The following CTTNBP2 variants were observed in gnomAD, a reference collection of about 807,000 sequenced individuals.
CTTNBP2 encodes cortactin-binding protein 2.
A neutral mutation model predicts 156.9 loss-of-function variants in CTTNBP2; 108 were observed. The ratio of observed to expected loss-of-function variants is 0.69; its 90% CI spans 0.59 to 0.81. The LOEUF is 0.81. Among genes scored for constraint, CTTNBP2 ranks in the 30% least tolerant of loss-of-function variants. The pLI is 0.00. For missense variants in CTTNBP2, 1,924 were observed against 2,035.4 expected (o/e 0.95, Z 1.05); for synonymous variants, 767 against 751.8 (o/e 1.02, Z -0.33).
intron 22 of CTTNBP2, chr7:117,712,471 T>C (rs1430261230): frequency 6.6e-6 from 1 of 152,168 alleles, no homozygotes; most frequent in Non-Finnish European, 1.5e-5. Context: ...CTCCCAACTT[T>C]CACTCAAGGT....
intron 2 of CTTNBP2, among the ~76,000 whole-genome samples, chr7:117,824,280 A>G (rs1375427592): frequency 6.6e-6 from 1 of 151,958 alleles, no homozygotes; most frequent in Non-Finnish European, 1.5e-5. Context: ...CTGGGCATAT[A>G]GCCCTTTTAA....
intron 12 of CTTNBP2, among the ~76,000 whole-genome samples, chr7:117,746,501 C>CAAA (rs1346169434): frequency 6.6e-6 from 1 of 152,104 alleles, no homozygotes; most frequent in Non-Finnish European, 1.5e-5. Context: ...AACAGTAATG[C>CAAA]ATTTCATTAT....
Position 117,711,833 on chromosome 7 carries a change from G to A in CTTNBP2, c.4747-51C>T, listed in dbSNP as rs762503724. 25 of 1,561,704 alleles carry A rather than the reference G, an allele frequency of 1.6e-5. No homozygotes were observed. In the Middle Eastern group the frequency reaches 5.1e-4, roughly 32 times the overall value. On this transcript the variant is annotated intron_variant, in intron 22 of 22. Coordinates refer to ENST00000160373, the MANE Select transcript of CTTNBP2 (RefSeq NM_033427.3). ...GTTTATCACAAACTTCTCCTGTTAT[G>A]AGCCCTACCCCTGCCTCCTCTTTGA...
At chr7:117,714,037 G>A (rs527985623) in intron 22 of CTTNBP2, 3 of 152,192 alleles carry the variant, frequency 2.0e-5, no homozygotes, top group African/African-American at 7.2e-5. Context: ...AACTACGTCC[G>A]AGGAAGCCTG....
At chr7:117,795,424 C>T (rs36023319) in intron 3 of CTTNBP2, among the ~76,000 whole-genome samples, 19 of 152,184 alleles carry the variant, frequency 1.2e-4, no homozygotes, top group Admixed American at 8.5e-4. Context: ...GCCAGTTTTC[C>T]GCTATTAAAA....
chr7:117,784,438 T>C lies in CTTNBP2; in HGVS notation c.2085A>G (p.Leu695=). The C allele has an allele frequency of 6.3e-7, 1 of 1,596,390 alleles. No homozygotes were observed. The highest frequency in any genetic ancestry group is 8.5e-7 in the Non-Finnish European group (1 of 1,174,222). The change falls in exon 5 of 23, where the codon CTA becomes CTG. Residue 695 remains leucine, a synonymous_variant. Transcript: ENST00000160373. ...LVTASGWSPS[L]TPLLMSGGPA... is the part of the protein sequence containing the mutation. ...GACCACCACTCATTAGCAAAGGGGT[T>C]AGGGAGGGTGACCAGCCTGTAGGTT...
chr7:117,772,147 C>A (rs1183531830), intron 8 of CTTNBP2, among the ~76,000 whole-genome samples: 1 of 152,124 alleles, frequency 6.6e-6, no homozygotes, highest in Non-Finnish European at 1.5e-5. Context: ...ATTACATCAC[C>A]ATGTTCACCT....
At chr7:117,754,547 TACATAAC>T (rs1358076245) in intron 12 of CTTNBP2, among the ~76,000 whole-genome samples, 1 of 152,156 alleles carries the variant, frequency 6.6e-6, no homozygotes, top group Non-Finnish European at 1.5e-5. Context: ...GACACAAAAA[TACATAAC>T]ACAGGGCCTA....
In CTTNBP2 at chr7:117,836,458, G is replaced by A. The variant is rs557582254; in HGVS notation, c.189+24751C>T. ...GGGCGCCTGTAGTCCCAGCCACTCC[G>A]GAGGCTGAGGCAGGAGAATGGCATG... On this transcript the variant is annotated intron_variant, in intron 2 of 22. Transcript: ENST00000160373. Among the ~76,000 whole-genome samples, 22 of 152,308 alleles carry A rather than the reference G, an allele frequency of 1.4e-4. No homozygotes were observed. The South Asian group carries it at 3.5e-3, about 24-fold the overall frequency.
In CTTNBP2 at chr7:117,866,592, G is replaced by A. The variant is rs182307320; in HGVS notation, c.82-5276C>T. Among the ~76,000 whole-genome samples, 497 of 152,316 alleles carry A rather than the reference G, an allele frequency of 3.3e-3. 1 individual carries two copies. The highest frequency in any genetic ancestry group is 5.7e-3 in the Non-Finnish European group (385 of 68,022). On this transcript the variant is annotated intron_variant, in intron 1 of 22. Coordinates refer to ENST00000160373, the MANE Select transcript of CTTNBP2 (RefSeq NM_033427.3). ...CAGGCAGACTGGAAGGTGGGGTGAT[G>A]AGCAATGTGGCTAGGGAAGAATCAG...
At chr7:117,863,234 A>G (rs1339961401) in intron 1 of CTTNBP2, among the ~76,000 whole-genome samples, 5 of 152,240 alleles carry the variant, frequency 3.3e-5, no homozygotes, top group Non-Finnish European at 7.3e-5. Context: ...TTCTTTTTGC[A>G]TATACACTAG....
rs151225619 is a variant in CTTNBP2, at chr7:117,719,588, G to A, written c.4560C>T (p.Leu1520=). 9.9e-5 allele frequency: 160 copies of A among 1,613,206 alleles called. No homozygotes were observed. In the East Asian group the frequency reaches 2.9e-3, roughly 30 times the overall value. The part of the protein sequence containing the change: ...LSLTLNLDQR[L]SLGSDDEADL... Reference sequence around the variant, plus strand: ...CTGCTTCGTCATCTGAACCCAGAGAGAGTCTCTGATCCAAATTCAACGTCA... The same window carrying A: ...CTGCTTCGTCATCTGAACCCAGAGAAAGTCTCTGATCCAAATTCAACGTCA... Residue 1520 remains leucine (L), a synonymous_variant, in exon 21 of 23, where the codon CTC becomes CTT. Transcript: ENST00000160373.
intron 22 of CTTNBP2, among the ~76,000 whole-genome samples, chr7:117,717,458 G>A (rs533100164): frequency 4.6e-5 from 7 of 151,492 alleles, no homozygotes; most frequent in South Asian, 4.2e-4. Context: ...TAGTACCCCC[G>A]CATCCACAAT....
chr7:117,757,992 A>G lies in CTTNBP2; in HGVS notation c.3173-22T>C, dbSNP rs745630538. 93 of 1,584,346 alleles carry G rather than the reference A, an allele frequency of 5.9e-5. No homozygotes were observed. In the Admixed American group the frequency reaches 1.2e-3, roughly 20 times the overall value. On this transcript the variant is annotated intron_variant, in intron 10 of 22. Coordinates refer to ENST00000160373, the MANE Select transcript of CTTNBP2 (RefSeq NM_033427.3). ...TTTCCTAGTTTCAAAAAATGAAATA[A>G]AATGTCAAGGGAAGCTTATGAGTGG...
At chr7:117,827,970 A>T (rs1388690785) in intron 2 of CTTNBP2, among the ~76,000 whole-genome samples, 1 of 152,136 alleles carries the variant, frequency 6.6e-6, no homozygotes, top group Non-Finnish European at 1.5e-5. Flanking sequence ...CAAACTCCCT[A>T]AAGAACCAGC....
chr7:117,769,961 T>A (rs1797716685), intron 8 of CTTNBP2, among the ~76,000 whole-genome samples: 1 of 152,224 alleles, frequency 6.6e-6, no homozygotes, highest in African/African-American at 2.4e-5. Flanking sequence ...ATTTCAAGTA[T>A]CTATATCTCA....
At chr7:117,816,052 A>G (rs916902389) in intron 2 of CTTNBP2, among the ~76,000 whole-genome samples, 1 of 152,172 alleles carries the variant, frequency 6.6e-6, no homozygotes, top group African/African-American at 2.4e-5. Flanking sequence ...CTCAGACCAC[A>G]TTTCCTTGTT....
At chr7:117,733,063 T>C (rs1214218136) in intron 16 of CTTNBP2, among the ~76,000 whole-genome samples, 1 of 152,236 alleles carries the variant, frequency 6.6e-6, no homozygotes, top group Admixed American at 6.5e-5. Flanking sequence ...CCTAGTATTG[T>C]CCTGAAAGGT....
chr7:117,809,470 A>G (rs549112229), intron 3 of CTTNBP2, among the ~76,000 whole-genome samples: 79 of 152,354 alleles, frequency 5.2e-4, no homozygotes, highest in Admixed American at 1.1e-3. Flanking sequence ...CAGTGACATC[A>G]GCTGAAATTC....
Sources: gnomAD v4.1 joint callset for allele counts (sites outside exome capture counted in the v4.1 genomes callset) on GRCh38, gnomAD v4.1.1 for gene constraint, MANE v1.5 for transcripts, NCBI Gene and HGNC (gene_info 2026-07-23, HGNC 2026-07-21) for gene names.